Variants in GNAQ observed in about 807,000 individuals in gnomAD.
The protein encoded by GNAQ is G protein subunit alpha q.
A neutral mutation model predicts 43.9 loss-of-function variants in GNAQ; 8 were observed. The ratio of observed to expected loss-of-function variants is 0.18; its 90% CI spans 0.11 to 0.33. The LOEUF (loss-of-function observed/expected upper bound fraction) is 0.33, where lower values mean the gene tolerates loss of function less well. GNAQ is among the 10% of genes least tolerant of loss of function. GNAQ has a pLI of 1.00. For synonymous variants in GNAQ, 155 were observed against 170.7 expected (o/e 0.91, Z 0.71); for missense variants, 158 against 450.8 (o/e 0.35, Z 5.88).
intron 2 of GNAQ, among the ~76,000 whole-genome samples, chr9:77,857,425 C>T (rs1827772779): frequency 1.3e-5 from 2 of 151,044 alleles, no homozygotes; most frequent in Admixed American, 1.3e-4. Context: ...ATGTAGTACA[C>T]ACTGTATTCC....
At chr9:77,967,973 T>G (rs1279658221) in intron 1 of GNAQ, among the ~76,000 whole-genome samples, 1 of 151,950 alleles carries the variant, frequency 6.6e-6, no homozygotes, top group Non-Finnish European at 1.5e-5. Flanking sequence ...AGAATGAAAC[T>G]CCATCTAAAA....
intron 2 of GNAQ, among the ~76,000 whole-genome samples, chr9:77,821,542 T>C (rs1827112641): frequency 6.6e-6 from 1 of 152,176 alleles, no homozygotes; most frequent in African/African-American, 2.4e-5. Context: ...AGATGCTTGA[T>C]GCAGCATGGC....
At chr9:77,983,819 G>C (rs1275405671) in intron 1 of GNAQ, among the ~76,000 whole-genome samples, 1 of 151,784 alleles carries the variant, frequency 6.6e-6, no homozygotes, top group Non-Finnish European at 1.5e-5. Context: ...CTTTTAGTGG[G>C]GAGGACTCTT....
chr9:78,000,308 A>C (rs1382841845), intron 1 of GNAQ, among the ~76,000 whole-genome samples: 1 of 152,218 alleles, frequency 6.6e-6, no homozygotes, highest in African/African-American at 2.4e-5. Flanking sequence ...TCTGGTAAGT[A>C]AGCTGATGAC....
intron 5 of GNAQ, among the ~76,000 whole-genome samples, chr9:77,790,857 CT>C (rs143317039): frequency 0.014 from 2,101 of 152,290 alleles, 41 homozygotes; most frequent in African/African-American, 0.048. Context: ...CAAACCTGAT[CT>C]GTCCCCGCCA....
At chr9:77,746,263 G>A (rs1247257841) in intron 5 of GNAQ, among the ~76,000 whole-genome samples, 1 of 152,046 alleles carries the variant, frequency 6.6e-6, no homozygotes, top group African/African-American at 2.4e-5. Flanking sequence ...GTAAAACAAG[G>A]AAATAAGCCA....
chr9:77,743,286 CA>C (rs141984612), intron 5 of GNAQ, among the ~76,000 whole-genome samples: 1 of 151,564 alleles, frequency 6.6e-6, no homozygotes, highest in African/African-American at 2.4e-5. Flanking sequence ...AACAAACAAA[CA>C]AAAAAAACAA....
At chr9:77,844,702 C>T (rs543379061) in intron 2 of GNAQ, among the ~76,000 whole-genome samples, 39 of 151,994 alleles carry the variant, frequency 2.6e-4, no homozygotes, top group African/African-American at 8.4e-4. Flanking sequence ...GATGGAGTTT[C>T]GCTCTTGTCA....
At chr9:77,744,859 C>T (rs1041692172) in intron 5 of GNAQ, among the ~76,000 whole-genome samples, 1 of 152,058 alleles carries the variant, frequency 6.6e-6, no homozygotes, top group African/African-American at 2.4e-5. Context: ...CTATTTACTT[C>T]ATTCTGTTCC....
intron 2 of GNAQ, among the ~76,000 whole-genome samples, chr9:77,842,990 T>A (rs1294092344): frequency 1.3e-5 from 2 of 152,358 alleles, no homozygotes; most frequent in East Asian, 3.9e-4. Context: ...TTATTTTGGA[T>A]ATCTGCAGAA....
intron 2 of GNAQ, among the ~76,000 whole-genome samples, chr9:77,914,112 G>A (rs1051449660): frequency 6.6e-6 from 1 of 151,896 alleles, no homozygotes; most frequent in African/African-American, 2.4e-5. Context: ...GGCCGTCATG[G>A]GTATAAAATG....
chr9:77,819,959 T>G (rs1827086009), intron 2 of GNAQ, among the ~76,000 whole-genome samples: 1 of 151,934 alleles, frequency 6.6e-6, no homozygotes, highest in African/African-American at 2.4e-5. Context: ...TGCTTCCTAA[T>G]TACCTCCCTC....
At chr9:77,876,311 T>C (rs12686139) in intron 2 of GNAQ, among the ~76,000 whole-genome samples, 56,945 of 152,048 alleles carry the variant, frequency 0.37, 13,134 homozygotes, top group Non-Finnish European at 0.52. Context: ...TGATGGAGAA[T>C]GAGGCCTTGT....
At chr9:77,848,153 C>T (rs1180566842) in intron 2 of GNAQ, among the ~76,000 whole-genome samples, 2 of 152,208 alleles carry the variant, frequency 1.3e-5, no homozygotes, top group African/African-American at 4.8e-5. Context: ...TGTGAAGCCA[C>T]TGCCAAGAGT....
intron 1 of GNAQ, among the ~76,000 whole-genome samples, chr9:78,029,103 A>C (rs889288837): frequency 1.3e-5 from 2 of 152,164 alleles, no homozygotes. Context: ...TATGGAATTA[A>C]GCATCCATGT....
intron 1 of GNAQ, among the ~76,000 whole-genome samples, chr9:77,945,916 C>T (rs948572232): frequency 6.6e-6 from 1 of 152,154 alleles, no homozygotes; most frequent in African/African-American, 2.4e-5. Context: ...AAGTTTACAT[C>T]CTCTAACTTT....
In GNAQ at chr9:77,815,636, T is replaced by C. The variant is rs200924131; in HGVS notation, c.456A>G (p.Gln152=). 164 of 1,604,256 alleles carry C rather than the reference T, an allele frequency of 1.0e-4. No homozygotes were observed. Among genetic ancestry groups the C allele is most frequent in the Middle Eastern group, 1.8e-4 (1 of 5,668 alleles). The stretch of plus-strand genomic sequence containing the variant: ...CTCACTATTTGGTAGAGTCAGATAA[T>C]TGATATTCTCGTCGTCTATCATAGC... ...QECYDRRREY[Q]LSDSTKYYLN... Residue 152 remains glutamine (Q), a synonymous_variant, in exon 3 of 7, where the codon CAA becomes CAG. Coordinates refer to ENST00000286548, the MANE Select transcript of GNAQ (RefSeq NM_002072.5).
Position 77,990,724 on chromosome 9 carries a change from G to A in GNAQ, c.136+40376C>T, listed in dbSNP as rs923518329. Among the ~76,000 whole-genome samples, 4 of 152,312 alleles carry A rather than the reference G, an allele frequency of 2.6e-5. No individual in the cohort carries two copies. In the South Asian group the frequency reaches 8.3e-4, roughly 32 times the overall value. ...ATAGCGTAAGTATAAAAGGGTGTTGGAATCGAAAATTTGGCCTAACCATTT... is the reference window on the plus strand; with the variant it reads ...ATAGCGTAAGTATAAAAGGGTGTTGAAATCGAAAATTTGGCCTAACCATTT... On this transcript the variant is annotated intron_variant, in intron 1 of 6. Coordinates refer to ENST00000286548, the MANE Select transcript of GNAQ (RefSeq NM_002072.5).
chr9:77,893,490 G>A (rs182389466), intron 2 of GNAQ, among the ~76,000 whole-genome samples: 2 of 152,322 alleles, frequency 1.3e-5, no homozygotes, highest in East Asian at 3.9e-4. Context: ...CCCTTGTTTA[G>A]CACAGAATCA....
Sources: gnomAD v4.1 joint callset for allele counts (sites outside exome capture counted in the v4.1 genomes callset) on GRCh38, gnomAD v4.1.1 for gene constraint, MANE v1.5 for transcripts, NCBI Gene and HGNC (gene_info 2026-07-23, HGNC 2026-07-21) for gene names.